Variants in ZNF236 observed in about 807,000 individuals in gnomAD.
ZNF236 encodes the protein zinc finger protein 236, also known as regulated by glucose.
Under a neutral mutation model 191.2 loss-of-function variants are expected in ZNF236, and 50 were observed. The ratio of observed to expected loss-of-function variants is 0.26; its 90% CI spans 0.21 to 0.33. ZNF236 has a LOEUF of 0.33. Ranked by LOEUF, ZNF236 falls within the 10% of genes least tolerant of loss-of-function variation. The pLI is 1.00. For missense variants in ZNF236, 1,754 were observed against 2,374.5 expected, an observed-to-expected ratio of 0.74 and a Z score of 5.43; for synonymous variants, 907 against 928.8, an observed-to-expected ratio of 0.98 and a Z score of 0.43.
chr18:76,960,752 G>T lies in ZNF236; in HGVS notation c.5316G>T (p.Lys1772Asn), dbSNP rs746019182. The change falls in exon 30 of 31, where the codon AAG (lysine) becomes AAT (asparagine). Residue 1772 changes from lysine to asparagine, a missense_variant. This residue lies in a region of ZNF236 where 606 missense variants were observed against 761.5 expected (regional missense o/e 0.80). Transcript: ENST00000320610. The surrounding 1 kb of genome is among the most constrained non-coding windows in gnomAD (Gnocchi z 4.4). ...AGAGTGCGCTGCAGGTGCACATGAA[G>T]AAGCACACGGGGGAGCGGCCCTACA... ...NQKSALQVHM[K>N]KHTGERPYKC... The T allele has an allele frequency of 6.2e-7, 1 of 1,614,156 alleles. No homozygotes were observed. Among genetic ancestry groups the T allele is most frequent in the East Asian group, 2.2e-5 (1 of 44,876 alleles).
intron 1 of ZNF236, among the ~76,000 whole-genome samples, chr18:76,829,964 G>A (rs756672869): frequency 2.6e-5 from 4 of 152,158 alleles, no homozygotes; most frequent in Admixed American, 1.3e-4. Flanking sequence ...TCCGTCTCCC[G>A]GGTTCAAGTG....
chr18:76,828,493 G>C (rs1030494958), intron 1 of ZNF236, among the ~76,000 whole-genome samples: 4 of 152,174 alleles, frequency 2.6e-5, no homozygotes, highest in East Asian at 3.9e-4. Context: ...AGCGGCAGGA[G>C]GCAGCCAGAG....
intron 1 of ZNF236, among the ~76,000 whole-genome samples, chr18:76,837,040 T>TA (rs1183493160): frequency 4.6e-5 from 7 of 150,860 alleles, no homozygotes; most frequent in Non-Finnish European, 1.0e-4. Context: ...CACCCCTGGC[T>TA]AATTTTTGTA....
In ZNF236 at chr18:76,859,301, A is replaced by G. The variant is rs1335691898; in HGVS notation, c.363+7362A>G. Reference sequence around the variant, plus strand: ...GGGAGAGGACTCAGGTGGAGGTGGAAGTGGAGCAGCTCCTGGTATGTCTTG... The same window carrying G: ...GGGAGAGGACTCAGGTGGAGGTGGAGGTGGAGCAGCTCCTGGTATGTCTTG... On this transcript the variant is annotated intron_variant, in intron 3 of 30. Coordinates refer to ENST00000320610, the MANE Select transcript of ZNF236 (RefSeq NM_001306089.2). 2.6e-5 allele frequency among the ~76,000 whole-genome samples: 4 copies of G among 151,996 alleles called. No homozygotes were observed. In the East Asian group the frequency reaches 7.7e-4, roughly 29 times the overall value.
Position 76,904,477 on chromosome 18 carries a change from T to C in ZNF236, c.1992T>C (p.Cys664=). The C allele has an allele frequency of 6.2e-7, 1 of 1,608,032 alleles. No individual in the cohort carries two copies. Among genetic ancestry groups the C allele is most frequent in the Non-Finnish European group, 8.5e-7 (1 of 1,177,518 alleles). The change falls in exon 12 of 31, where the codon TGT becomes TGC. Residue 664 remains cysteine, a synonymous_variant. Coordinates refer to ENST00000320610, the MANE Select transcript of ZNF236 (RefSeq NM_001306089.2). The stretch of plus-strand genomic sequence containing the variant: ...ATAGACCATACAAGTGTTTTTACTG[T>C]CATCGTGCATATAAAAAATCTTGCC... ...EADRPYKCFY[C]HRAYKKSCHL...
At chr18:76,945,367 AG>A (rs1457927111) in intron 26 of ZNF236, among the ~76,000 whole-genome samples, 1 of 152,226 alleles carries the variant, frequency 6.6e-6, no homozygotes, top group Non-Finnish European at 1.5e-5. Flanking sequence ...TAGTCTGATA[AG>A]GGTGGTGGCA....
At chr18:76,945,346 T>G (rs1340688121) in intron 26 of ZNF236, among the ~76,000 whole-genome samples, 1 of 152,248 alleles carries the variant, frequency 6.6e-6, no homozygotes, top group Non-Finnish European at 1.5e-5. Context: ...AATACAGTTT[T>G]TCAAATTGGG....
chr18:76,898,936 A>G, intron 10 of ZNF236, 83 bp from the exon 11 acceptor site: 1 of 1,186,270 alleles, frequency 8.4e-7, no homozygotes, highest in East Asian at 2.4e-5. Flanking sequence ...TCAGTATTGG[A>G]AATAATAACA....
intron 9 of ZNF236, among the ~76,000 whole-genome samples, chr18:76,889,418 G>A (rs1301915169): frequency 6.6e-6 from 1 of 152,206 alleles, no homozygotes; most frequent in Admixed American, 6.5e-5. Flanking sequence ...TTCCAGGGCA[G>A]ATACCTTTTG....
At chr18:76,860,177 AG>A (rs760888204) in intron 3 of ZNF236, among the ~76,000 whole-genome samples, 2 of 152,064 alleles carry the variant, frequency 1.3e-5, no homozygotes, top group Non-Finnish European at 2.9e-5. Flanking sequence ...GTGAAACTTG[AG>A]GGGTGTGCGT....
intron 3 of ZNF236, among the ~76,000 whole-genome samples, chr18:76,861,225 C>CTGGCGTATT (rs1976211673): frequency 6.6e-6 from 1 of 152,244 alleles, no homozygotes; most frequent in South Asian, 2.1e-4. Context: ...ACCTGGCAGG[C>CTGGCGTATT]TGGCGTATGT....
rs191456543 is a variant in ZNF236, at chr18:76,828,474, A to G, written c.55+5812A>G. Among the ~76,000 whole-genome samples the G allele has an allele frequency of 4.6e-3, 693 of 152,218 alleles. 6 individuals are homozygous for G. Among genetic ancestry groups the G allele is most frequent in the Non-Finnish European group, 6.4e-3 (434 of 68,014 alleles). ...TGAGCCCCCACGCCTGCCAGACTTT[A>G]TCCTTTGAAGCGGCAGGAGGCAGCC... On this transcript the variant is annotated intron_variant, in intron 1 of 30. Coordinates refer to ENST00000320610, the MANE Select transcript of ZNF236 (RefSeq NM_001306089.2).
chr18:76,909,047 G>A (rs1189501080), intron 14 of ZNF236, among the ~76,000 whole-genome samples: 1 of 151,770 alleles, frequency 6.6e-6, no homozygotes, highest in Non-Finnish European at 1.5e-5. Context: ...GCTGGGTGTG[G>A]TGGCTCACGC....
Position 76,895,296 on chromosome 18 carries a change from A to G in ZNF236, c.1690+11A>G. The G allele has an allele frequency of 6.3e-7, 1 of 1,596,494 alleles. No individual in the cohort carries two copies. The highest frequency in any genetic ancestry group is 8.5e-7 in the Non-Finnish European group (1 of 1,177,574). ...TTCGCCTGCACACAGGTATGGCCTC[A>G]GGGCTGGGCCCACACGGGCACTGGC... On this transcript the variant is annotated intron_variant, in intron 10 of 30. Transcript: ENST00000320610.
chr18:76,917,424 G>A (rs1967399023), intron 19 of ZNF236, among the ~76,000 whole-genome samples: 4 of 152,234 alleles, frequency 2.6e-5, no homozygotes, highest in African/African-American at 9.6e-5. Context: ...CATCGATTTG[G>A]GAGTTCTGTT....
chr18:76,890,895 C>T (rs1320365531), intron 9 of ZNF236, among the ~76,000 whole-genome samples: 1 of 152,082 alleles, frequency 6.6e-6, no homozygotes, highest in African/African-American at 2.4e-5. Context: ...GCAAGACCCC[C>T]GACTTCCTCA....
rs148434687 is a variant in ZNF236, at chr18:76,889,480, GGAAGACA to G, written c.1418-5530_1418-5524del. On this transcript the variant is annotated intron_variant, in intron 9 of 30. Transcript: ENST00000320610. The stretch of plus-strand genomic sequence containing the variant: ...TCATGCTGTGCTTGAAGTAGCACTG[GGAAGACA>G]GACCTCCTTGAGAAAACTGCACTTA... Among the ~76,000 whole-genome samples, 557 of 152,238 alleles carry G rather than the reference GGAAGACA, an allele frequency of 3.7e-3. 5 individuals carry two copies. Among genetic ancestry groups the G allele is most frequent in the African/African-American group, 0.013 (538 of 41,532 alleles).
intron 11 of ZNF236, among the ~76,000 whole-genome samples, chr18:76,900,225 G>A (rs936410960): frequency 6.6e-5 from 10 of 151,868 alleles, no homozygotes; most frequent in African/African-American, 1.7e-4. Context: ...TATAAATTGG[G>A]GGCCACCAGT....
Position 76,927,908 on chromosome 18 carries a change from GC to G in ZNF236, c.4415-18del, listed in dbSNP as rs751559227. On this transcript the variant is annotated intron_variant, in intron 24 of 30. Transcript: ENST00000320610. This position sits in a 1 kb window ranked among gnomAD's most constrained non-coding sequence, Gnocchi z 5.4. The stretch of plus-strand genomic sequence containing the variant: ...TTATTTTGAATCTCAACTTTGTTTT[GC>G]TTTGTAATGACAATCAGGGACCCAA... 7.2e-6 allele frequency: 11 copies of G among 1,536,850 alleles called. No homozygotes were observed. Among genetic ancestry groups the G allele is most frequent in the Admixed American group, 2.1e-5 (1 of 46,736 alleles).
Sources: allele counts gnomAD v4.1 joint callset (sites outside exome capture counted in the v4.1 genomes callset), GRCh38; gene constraint gnomAD v4.1.1; regional missense constraint gnomAD v4.1.1; non-coding constraint Gnocchi (gnomAD v3.1); transcripts MANE v1.5; gene names NCBI Gene and HGNC (gene_info 2026-07-23, HGNC 2026-07-21).